Variants in FAM120A observed in about 807,000 individuals in gnomAD.
The protein encoded by FAM120A is family with sequence similarity 120 member A.
FAM120A carries 15 observed loss-of-function variants against 109.7 expected under a neutral mutation model. That is an observed-to-expected ratio of 0.14 (90% CI 0.09 to 0.21). The LOEUF is 0.21. Among genes scored for constraint, FAM120A ranks in the 10% least tolerant of loss-of-function variants. FAM120A has a pLI of 1.00. For synonymous variants in FAM120A, 493 were observed against 572.8 expected (o/e 0.86, Z 1.99); for missense variants, 899 against 1,439.3 (o/e 0.62, Z 6.07).
At chr9:93,461,972 A>C (rs1200293434) in intron 1 of FAM120A, among the ~76,000 whole-genome samples, 1 of 152,256 alleles carries the variant, frequency 6.6e-6, no homozygotes, top group Non-Finnish European at 1.5e-5. Context: ...ATTGAACCAG[A>C]CTGTGATCAC....
intron 5 of FAM120A, among the ~76,000 whole-genome samples, chr9:93,512,327 T>A (rs186044219): frequency 2.6e-5 from 4 of 152,312 alleles, no homozygotes; most frequent in African/African-American, 9.6e-5. Context: ...CAGCTGCATA[T>A]AGGCGTAAGT....
chr9:93,471,875 A>G (rs1393565810), intron 2 of FAM120A, among the ~76,000 whole-genome samples: 1 of 152,270 alleles, frequency 6.6e-6, no homozygotes, highest in Non-Finnish European at 1.5e-5. Flanking sequence ...AAGTAAATGT[A>G]TACATGTCTT....
intron 12 of FAM120A, among the ~76,000 whole-genome samples, 175 bp from the exon 13 acceptor site, chr9:93,556,207 A>G (rs1415875557): frequency 6.6e-6 from 1 of 152,232 alleles, no homozygotes; most frequent in Admixed American, 6.5e-5. Context: ...TCACATAAGT[A>G]TTTCTGTTCA....
rs143059034 is a variant in FAM120A at position 93,561,170 on chromosome 9, T to G, written c.2868T>G (p.His956Gln). Residue 956 changes from histidine (H) to glutamine (Q), a missense_variant, in exon 16 of 18, where the codon CAT becomes CAG. By Grantham distance (24) the His-to-Gln change is conservative. Coordinates refer to ENST00000277165, the MANE Select transcript of FAM120A (RefSeq NM_014612.5). ...AAATAGCTGGCACTGTGGTTGGCCA[T>G]TGGGCTGGGAGCAGGCGGGGCCGTG... ...KLEIAGTVVG[H>Q]WAGSRRGRGG... 3.7e-6 allele frequency: 6 copies of G among 1,613,816 alleles called. No individual in the cohort carries two copies. The African/African-American group carries it at 8.0e-5, about 22-fold the overall frequency.
chr9:93,543,314 A>T lies in FAM120A; in HGVS notation c.2002A>T (p.Thr668Ser), dbSNP rs769472145. 4 of 1,614,184 alleles carry T rather than the reference A, an allele frequency of 2.5e-6. No homozygotes were observed. The South Asian group carries it at 4.4e-5, about 18-fold the overall frequency. ...TGAAGCTCTTGCCTTCAGGGAGTGGACCTGCCCCAACCTGAAGAGGCTGTG... is the reference window on the plus strand; with the variant it reads ...TGAAGCTCTTGCCTTCAGGGAGTGGTCCTGCCCCAACCTGAAGAGGCTGTG... ...LVEALAFREW[T>S]CPNLKRLWLG... Residue 668 changes from threonine to serine, a missense_variant, in exon 11 of 18, where the codon ACC (threonine) becomes TCC (serine). Physicochemically the swap from Thr to Ser is moderately conservative, Grantham distance 58. Transcript: ENST00000277165.
At chr9:93,543,109 G>A in intron 10 of FAM120A, 113 bp from the exon 11 acceptor site, 1 of 1,343,076 alleles carries the variant, frequency 7.4e-7, no homozygotes, top group Non-Finnish European at 1.0e-6. Flanking sequence ...AGAATGCATT[G>A]TTACCTGAGA....
intron 3 of FAM120A, among the ~76,000 whole-genome samples, chr9:93,486,748 G>A (rs1159926583): frequency 1.3e-5 from 2 of 152,010 alleles, no homozygotes; most frequent in African/African-American, 4.8e-5. Context: ...TGGCCAGGCT[G>A]GCCTCAAACT....
intron 7 of FAM120A, among the ~76,000 whole-genome samples, chr9:93,518,243 A>G (rs1250730761): frequency 6.6e-6 from 1 of 152,128 alleles, no homozygotes; most frequent in Non-Finnish European, 1.5e-5. Flanking sequence ...GAAACCCTTG[A>G]TCACAGGCAT....
At chr9:93,542,878 G>C (rs1391964486) in intron 10 of FAM120A, among the ~76,000 whole-genome samples, 1 of 152,168 alleles carries the variant, frequency 6.6e-6, no homozygotes, top group Non-Finnish European at 1.5e-5. Context: ...GAATTACACT[G>C]TTATAACTAA....
chr9:93,498,995 G>A lies in FAM120A; in HGVS notation c.1030+109G>A, dbSNP rs1859689813. 2 of 806,622 alleles carry A rather than the reference G, an allele frequency of 2.5e-6. No homozygotes were observed. The highest frequency in any genetic ancestry group is 4.9e-5 in the East Asian group (2 of 40,746). 50.0% of individuals were successfully genotyped at this position (806,622 alleles called of 1,614,324 possible). On this transcript the variant is annotated intron_variant, in intron 5 of 17. Coordinates refer to ENST00000277165, the MANE Select transcript of FAM120A (RefSeq NM_014612.5). The surrounding 1 kb of genome is among the most constrained non-coding windows in gnomAD (Gnocchi z 4.4). ...TTATGTTTTTGAAACATGATTTTCT[G>A]TAGTTATGCCAGTAAGTATAGCCAA... is the stretch of plus-strand genomic sequence containing the variant.
chr9:93,485,906 GTC>G (rs1453354632), intron 3 of FAM120A, among the ~76,000 whole-genome samples: 2 of 149,746 alleles, frequency 1.3e-5, no homozygotes, highest in Non-Finnish European at 3.0e-5. Flanking sequence ...CTTTATGTCT[GTC>G]TTCTTTCACT....
At chr9:93,479,601 T>C (rs1858708809) in intron 3 of FAM120A, among the ~76,000 whole-genome samples, 1 of 152,214 alleles carries the variant, frequency 6.6e-6, no homozygotes, top group Non-Finnish European at 1.5e-5. Context: ...AAATTTCATC[T>C]TTTTACCATC....
intron 13 of FAM120A, among the ~76,000 whole-genome samples, chr9:93,556,983 C>T (rs570445024): frequency 1.3e-5 from 2 of 152,216 alleles, no homozygotes; most frequent in Non-Finnish European, 2.9e-5. Context: ...ATTGTTGATT[C>T]ATTATTATTG....
intron 1 of FAM120A, among the ~76,000 whole-genome samples, chr9:93,460,988 C>CT (rs1401260180): frequency 6.6e-6 from 1 of 152,156 alleles, no homozygotes; most frequent in Non-Finnish European, 1.5e-5. Flanking sequence ...CACCTTTCCT[C>CT]TTGTTACACC....
intron 5 of FAM120A, among the ~76,000 whole-genome samples, chr9:93,505,060 T>G (rs1209379277): frequency 1.5e-5 from 1 of 67,216 alleles, no homozygotes; most frequent in African/African-American, 3.8e-5. Flanking sequence ...TGTTTTTTTT[T>G]TTTTTTTTTT....
intron 11 of FAM120A, among the ~76,000 whole-genome samples, chr9:93,549,608 T>C (rs1300002083): frequency 6.6e-6 from 1 of 152,254 alleles, no homozygotes; most frequent in Non-Finnish European, 1.5e-5. Context: ...TTTTAAGCAC[T>C]GAGCAAACTT....
intron 9 of FAM120A, chr9:93,529,950 T>C (rs1588886915): frequency 2.1e-6 from 1 of 466,532 alleles, no homozygotes. Flanking sequence ...TCAGATACAA[T>C]ATCTGGTTCC....
intron 9 of FAM120A, chr9:93,530,636 A>G (rs1861290044): frequency 6.6e-6 from 1 of 152,168 alleles, no homozygotes; most frequent in African/African-American, 2.4e-5. Flanking sequence ...AATCTCATCT[A>G]TTATTTGATA....
At chr9:93,524,098 C>T (rs1350870105) in intron 7 of FAM120A, among the ~76,000 whole-genome samples, 1 of 152,188 alleles carries the variant, frequency 6.6e-6, no homozygotes, top group African/African-American at 2.4e-5. Context: ...TGTTCTCAGC[C>T]CTGTTGAGTT....
Sources: allele counts gnomAD v4.1 joint callset (sites outside exome capture counted in the v4.1 genomes callset), GRCh38; gene constraint gnomAD v4.1.1; non-coding constraint Gnocchi (gnomAD v3.1); transcripts MANE v1.5; gene names NCBI Gene and HGNC (gene_info 2026-07-23, HGNC 2026-07-21).